Variants in ZNF181 observed in about 807,000 individuals in gnomAD.
ZNF181 encodes the protein zinc finger protein 181 (HHZ181).
In ZNF181, 8 loss-of-function variants were observed where a neutral mutation model predicts 11.9. The observed-to-expected ratio is 0.67, with a 90% confidence interval of 0.39 to 1.21. ZNF181 has a LOEUF of 1.21. Ranked by LOEUF, ZNF181 falls within the 50% of genes most tolerant of loss-of-function variation. The probability of loss-of-function intolerance (pLI) is 0.01; values close to 1 mark genes in which losing one functional copy is unlikely to be tolerated. For missense variants in ZNF181, 542 were observed against 670.9 expected (o/e 0.81, Z 2.12); for synonymous variants, 202 against 221.1 (o/e 0.91, Z 0.77).
chr19:34,739,488 C>T (rs373672475), intron 2 of ZNF181, 35 bp from the exon 3 acceptor site: 22 of 1,612,844 alleles, frequency 1.4e-5, no homozygotes, highest in Non-Finnish European at 1.9e-5. Context: ...TAATAGAGGA[C>T]CACGGCTTAA....
In ZNF181 at chr19:34,739,641, A is replaced by C; in HGVS notation, c.229+20A>C. The C allele has an allele frequency of 6.2e-7, 1 of 1,613,682 alleles. No homozygotes were observed. The highest frequency in any genetic ancestry group is 8.5e-7 in the Non-Finnish European group (1 of 1,179,652). On this transcript the variant is annotated intron_variant, in intron 3 of 3. Transcript: ENST00000492450. ...TTCCAGGTGAGTCATGGTGAACGAG[A>C]CAAAGGAAGATTTTGTTAAAAAGGG... is the stretch of plus-strand genomic sequence containing the variant.
rs765248948 is a variant in ZNF181, at chr19:34,741,049, A to G, written c.668A>G (p.Lys223Arg). ...NKSGAAFSQG[K>R]SLTLPQTCNR... ...AGTGGGGCAGCCTTCAGCCAGGGCA[A>G]ATCTCTTACCCTTCCCCAGACTTGT... The change falls in exon 4 of 4, where the codon AAA (lysine) becomes AGA (arginine). Residue 223 changes from lysine (K) to arginine (R), a missense_variant. Physicochemically the swap from Lys to Arg is conservative, Grantham distance 26 (BLOSUM62 2). Coordinates refer to ENST00000492450, the MANE Select transcript of ZNF181 (RefSeq NM_001029997.4). The G allele has an allele frequency of 8.7e-6, 14 of 1,614,064 alleles. No homozygotes were observed. The highest frequency in any genetic ancestry group is 1.2e-5 in the Non-Finnish European group (14 of 1,179,996).
chr19:34,740,248 A>G (rs1276076685), intron 3 of ZNF181, among the ~76,000 whole-genome samples: 1 of 152,234 alleles, frequency 6.6e-6, no homozygotes, highest in East Asian at 1.9e-4. Context: ...AATGTTGGAG[A>G]AAAAGGCTAT....
intron 3 of ZNF181, 134 bp downstream of exon 3, chr19:34,739,755 G>T (rs2068941236): frequency 5.4e-6 from 5 of 919,720 alleles, no homozygotes; most frequent in Non-Finnish European, 8.1e-6. Context: ...ATGAAAAATT[G>T]TGGGATATTT....
At chr19:34,739,788 G>A (rs2068941946) in intron 3 of ZNF181, among the ~76,000 whole-genome samples, 167 bp downstream of exon 3, 1 of 152,140 alleles carries the variant, frequency 6.6e-6, no homozygotes, top group South Asian at 2.1e-4. Context: ...CAAAACAATT[G>A]TTCCTCTATC....
rs1274684418 is a variant in ZNF181 at position 34,741,770 on chromosome 19, C to T, written c.1389C>T (p.Cys463=). 3 of 1,613,906 alleles carry T rather than the reference C, an allele frequency of 1.9e-6. No homozygotes were observed. Among genetic ancestry groups the T allele is most frequent in the South Asian group, 2.2e-5 (2 of 91,070 alleles). The part of the protein sequence containing the change: ...RNHIRLKPYE[C]SICGKAFSHR... ...ACATTAGATTGAAACCCTACGAATG[C>T]AGTATATGTGGGAAAGCCTTTAGTC... The change falls in exon 4 of 4, where the codon TGC becomes TGT. Residue 463 remains cysteine, a synonymous_variant. Transcript: ENST00000492450.
chr19:34,742,310 A>T lies in ZNF181; in HGVS notation c.*213A>T. 1 of 394,214 alleles carries T rather than the reference A, an allele frequency of 2.5e-6. No homozygotes were observed. The highest frequency in any genetic ancestry group is 4.5e-6 in the Non-Finnish European group (1 of 222,042). The allele number at this position is 394,214 out of a possible 1,614,324, so 24.4% of individuals were successfully genotyped here. A position where few individuals can be genotyped will look rare whatever the true frequency, so the allele number is the denominator to read the frequency against. On this transcript the variant is annotated 3_prime_UTR_variant, in exon 4 of 4. Transcript: ENST00000492450. ...TGTCAGTATTAATCCCTTAATTGAC[A>T]TAAGTATACTCACACTAGGATAAAA...
At position 34,740,591 on chromosome 19, in the gene ZNF181, G is replaced by T; in HGVS notation, c.230-20G>T. ...TTAAAAAAAAACAAAACAGTGCTTT[G>T]CTTTTTTGATGTATTTCAGATTGGG... is the stretch of plus-strand genomic sequence containing the variant. On this transcript the variant is annotated intron_variant, in intron 3 of 3. Transcript: ENST00000492450. The T allele has an allele frequency of 2.0e-6, 3 of 1,526,278 alleles. No individual in the cohort carries two copies. The highest frequency in any genetic ancestry group is 8.8e-7 in the Non-Finnish European group (1 of 1,140,442). The allele number at this position is 1,526,278 out of a possible 1,614,324, so 94.5% of individuals were successfully genotyped here.
At chr19:34,739,308 T>G (rs2068933643) in intron 2 of ZNF181, 40 bp downstream of exon 2, 1 of 1,607,760 alleles carries the variant, frequency 6.2e-7, no homozygotes, top group African/African-American at 1.3e-5. Flanking sequence ...GGGGACACCT[T>G]TCTTTTGCCA....
At chr19:34,739,831 A>C (rs1242557858) in intron 3 of ZNF181, among the ~76,000 whole-genome samples, 1 of 152,222 alleles carries the variant, frequency 6.6e-6, no homozygotes, top group Admixed American at 6.5e-5. Context: ...CATGTCATCC[A>C]ATCAAGGTTA....
Position 34,742,048 on chromosome 19 carries a change from ATATG to A in ZNF181, c.1668_1671del (p.Tyr556Ter), listed in dbSNP as rs1286372946. ...GTAAGTGTGGAAAAGCCTTTAGACT[ATATG>A]AATCACTATACATGTGAGAAATCTT... is the stretch of plus-strand genomic sequence containing the variant. On this transcript the variant is annotated frameshift_variant, in exon 4 of 4. Transcript: ENST00000492450. LOFTEE classifies it low-confidence loss of function (END_TRUNC). 6.2e-7 allele frequency: 1 copy of A among 1,606,736 alleles called. No individual in the cohort carries two copies. The highest frequency in any genetic ancestry group is 8.5e-7 in the Non-Finnish European group (1 of 1,176,874).
At position 34,741,422 on chromosome 19, in the gene ZNF181, A is replaced by G. The variant is rs2068973450; in HGVS notation, c.1041A>G (p.Lys347=). 6.2e-7 allele frequency: 1 copy of G among 1,613,512 alleles called. No individual in the cohort carries two copies. Among genetic ancestry groups the G allele is most frequent in the Non-Finnish European group, 8.5e-7 (1 of 1,179,822 alleles). ...IEHLRIHTQE[K]LYECRICGKA... ...ATCTAAGAATTCATACTCAAGAAAAACTCTATGAGTGTCGTATATGTGGAA... is the reference window on the plus strand; with the variant it reads ...ATCTAAGAATTCATACTCAAGAAAAGCTCTATGAGTGTCGTATATGTGGAA... Residue 347 remains lysine (K), a synonymous_variant, in exon 4 of 4, where the codon AAA becomes AAG. Transcript: ENST00000492450.
chr19:34,738,905 T>C (rs1397097575), intron 1 of ZNF181, among the ~76,000 whole-genome samples: 1 of 152,218 alleles, frequency 6.6e-6, no homozygotes, highest in Non-Finnish European at 1.5e-5. Flanking sequence ...GAAGCAAAGC[T>C]CTCATATTTG....
At position 34,739,708 on chromosome 19, in the gene ZNF181, A is replaced by G. The variant is rs2068940662; in HGVS notation, c.229+87A>G. The G allele has an allele frequency of 5.3e-6, 7 of 1,324,906 alleles. No homozygotes were observed. In the Admixed American group the frequency reaches 1.4e-4, roughly 26 times the overall value. 82.1% of individuals were successfully genotyped at this position (1,324,906 alleles called of 1,614,324 possible). On this transcript the variant is annotated intron_variant, in intron 3 of 3. Coordinates refer to ENST00000492450, the MANE Select transcript of ZNF181 (RefSeq NM_001029997.4). Reference sequence around the variant, plus strand: ...GTGAGTTTATAGTGAGTGTGGAGGCATTTTAGGTATACTGTTTTCAAAGAT... The same window carrying G: ...GTGAGTTTATAGTGAGTGTGGAGGCGTTTTAGGTATACTGTTTTCAAAGAT...
chr19:34,737,609 C>T (rs1335193159), intron 1 of ZNF181, among the ~76,000 whole-genome samples: 3 of 152,162 alleles, frequency 2.0e-5, no homozygotes, highest in African/African-American at 4.8e-5. Flanking sequence ...TTCTTTGAAA[C>T]GTACCCCTTT....
Position 34,741,988 on chromosome 19 carries a change from A to C in ZNF181, c.1607A>C (p.Gln536Pro). The C allele has an allele frequency of 1.2e-6, 2 of 1,613,816 alleles. No homozygotes were observed. Among genetic ancestry groups the C allele is most frequent in the African/African-American group, 2.7e-5 (2 of 75,038 alleles). The change falls in exon 4 of 4, where the codon CAA (glutamine) becomes CCA (proline). Residue 536 changes from glutamine (Q) to proline (P), a missense_variant. Coordinates refer to ENST00000492450, the MANE Select transcript of ZNF181 (RefSeq NM_001029997.4). The part of the protein sequence containing the change: ...FSKGSNLTAH[Q>P]RVHNGEKPNS... The stretch of plus-strand genomic sequence containing the variant: ...AAAGGCTCAAATCTTACTGCCCATC[A>C]AAGAGTACATAATGGAGAGAAACCC...
rs1242926668 is a variant in ZNF181, at chr19:34,734,743, T to C, written c.-295T>C. On this transcript the variant is annotated 5_prime_UTR_variant, in exon 1 of 4. Coordinates refer to ENST00000492450, the MANE Select transcript of ZNF181 (RefSeq NM_001029997.4). ...AGACTGAACGAGCTGATAAAGTTTTTACCATTGTTTTATGAGGATTTTATT... is the reference window on the plus strand; with the variant it reads ...AGACTGAACGAGCTGATAAAGTTTTCACCATTGTTTTATGAGGATTTTATT... 2.1e-6 allele frequency: 1 copy of C among 476,932 alleles called. No homozygotes were observed. Among genetic ancestry groups the C allele is most frequent in the African/African-American group, 1.9e-5 (1 of 51,686 alleles). The allele number at this position is 476,932 out of a possible 1,614,324, so 29.5% of individuals were successfully genotyped here. A position where few individuals can be genotyped will look rare whatever the true frequency, so the allele number is the denominator to read the frequency against.
In ZNF181 at chr19:34,734,832, AC is replaced by A; in HGVS notation, c.-203del. 1.8e-6 allele frequency: 1 copy of A among 564,440 alleles called. No homozygotes were observed. The highest frequency in any genetic ancestry group is 2.9e-5 in the East Asian group (1 of 34,526). 35.0% of individuals were successfully genotyped at this position (564,440 alleles called of 1,614,324 possible). ...AAATGGTTAGCCCTTGCGGAGAAAC[AC>A]CCTGTTAGTTCCCAGGGAGAGATTG... On this transcript the variant is annotated 5_prime_UTR_variant, in exon 1 of 4. It removes the in-frame stop codon of an upstream open reading frame in the 5' UTR. Coordinates refer to ENST00000492450, the MANE Select transcript of ZNF181 (RefSeq NM_001029997.4).
At position 34,741,455 on chromosome 19, in the gene ZNF181, C is replaced by A; in HGVS notation, c.1074C>A (p.Phe358Leu). The A allele has an allele frequency of 6.2e-7, 1 of 1,613,712 alleles. No homozygotes were observed. The highest frequency in any genetic ancestry group is 8.5e-7 in the Non-Finnish European group (1 of 1,179,858). Residue 358 changes from phenylalanine to leucine, a missense_variant, in exon 4 of 4, where the codon TTC becomes TTA. Physicochemically the swap from Phe to Leu is conservative, Grantham distance 22. Transcript: ENST00000492450. The stretch of plus-strand genomic sequence containing the variant: ...AGTGTCGTATATGTGGAAAGGCCTT[C>A]ATTCATAGGTCATCTCTCATTCACC... ...LYECRICGKA[F>L]IHRSSLIHHQ...
Sources: allele counts gnomAD v4.1 joint callset (sites outside exome capture counted in the v4.1 genomes callset), GRCh38; gene constraint gnomAD v4.1.1; transcripts MANE v1.5; gene names NCBI Gene and HGNC (gene_info 2026-07-23, HGNC 2026-07-21).